SAMD5: variants seen among roughly 807,000 people sequenced by gnomAD.
SAMD5 encodes sterile alpha motif domain-containing protein 5.
A neutral mutation model predicts 11.3 loss-of-function variants in SAMD5; 13 were observed. That is an observed-to-expected ratio of 1.15 (90% CI 0.75 to 1.83). The LOEUF is 1.83. Ranked by LOEUF, SAMD5 falls within the 40% of genes most tolerant of loss-of-function variation. The pLI is 0.00. For synonymous variants in SAMD5, 129 were observed against 111.3 expected, an observed-to-expected ratio of 1.16 and a Z score of -1.00; for missense variants, 255 against 239.1, an observed-to-expected ratio of 1.07 and a Z score of -0.44.
chr6:147,741,914 T>C (rs1313834862), downstream of SAMD5: 1 of 152,212 alleles, frequency 6.6e-6, no homozygotes, highest in Non-Finnish European at 1.5e-5. Flanking sequence ...ATATTTCTTA[T>C]TAGGCACCTC....
At chr6:147,731,789 T>C (rs1217380263) in intron 1 of SAMD5, among the ~76,000 whole-genome samples, 2 of 142,318 alleles carry the variant, frequency 1.4e-5, no homozygotes. Flanking sequence ...ACCAACAGAA[T>C]TTAGAGTGGC....
chr6:147,569,500 G>A lies in SAMD5; in HGVS notation c.*5044G>A. The A allele has an allele frequency of 1.1e-6, 1 of 874,542 alleles. No individual in the cohort carries two copies. Among genetic ancestry groups the A allele is most frequent in the African/African-American group, 1.8e-5 (1 of 55,006 alleles). 54.2% of individuals were successfully genotyped at this position (874,542 alleles called of 1,614,324 possible). ...CTACTTTCTAAATATTATTTAAGAT[G>A]GGAAATGTCTTTTATAGGTATATTC... On this transcript the variant is annotated 3_prime_UTR_variant, in exon 2 of 2. Transcript: ENST00000367474.
the SAMD5 span, among the ~76,000 whole-genome samples, chr6:147,900,895 A>G: frequency 9.3e-3 from 1,421 of 152,318 alleles, 18 homozygotes; most frequent in African/African-American, 0.033. Flanking sequence ...CTATTATAAA[A>G]CAAAAAGATA....
the SAMD5 span, among the ~76,000 whole-genome samples, chr6:147,936,437 G>T: frequency 1.4e-3 from 210 of 151,562 alleles, no homozygotes; most frequent in Non-Finnish European, 1.8e-3. Flanking sequence ...CAGGAGTGGC[G>T]AGGGGCAGTG....
chr6:147,820,746 C>A, the SAMD5 span, among the ~76,000 whole-genome samples: 1 of 152,110 alleles, frequency 6.6e-6, no homozygotes, highest in African/African-American at 2.4e-5. Context: ...GCTCTGTGCC[C>A]GGGAGTTCTA....
Position 147,568,059 on chromosome 6 carries a change from A to G in SAMD5, c.*3603A>G, listed in dbSNP as rs1432834090. 1.0e-6 allele frequency: 1 copy of G among 985,226 alleles called. No individual in the cohort carries two copies. Among genetic ancestry groups the G allele is most frequent in the African/African-American group, 1.7e-5 (1 of 57,224 alleles). The allele number at this position is 985,226 out of a possible 1,614,324, so 61.0% of individuals were successfully genotyped here. The stretch of plus-strand genomic sequence containing the variant: ...CTTTATGGCAGCTTCAGATTGATGA[A>G]TTTGAGGTACAAATGAGTGAGTGAC... On this transcript the variant is annotated 3_prime_UTR_variant, in exon 2 of 2. Coordinates refer to ENST00000367474, the MANE Select transcript of SAMD5 (RefSeq NM_001030060.3).
chr6:147,622,509 C>A (rs7760597), intron 1 of SAMD5, among the ~76,000 whole-genome samples: 65,542 of 151,990 alleles, frequency 0.43, 14,852 homozygotes, highest in East Asian at 0.58. Context: ...CACTCCAAAG[C>A]AGAATTTATA....
chr6:147,806,719 A>G, the SAMD5 span, among the ~76,000 whole-genome samples: 21 of 152,262 alleles, frequency 1.4e-4, no homozygotes, highest in African/African-American at 4.8e-4. Flanking sequence ...GCCAAGCACC[A>G]TGAAATCCTC....
At chr6:147,517,543 G>A (rs1368621680) in intron 1 of SAMD5, among the ~76,000 whole-genome samples, 2 of 151,952 alleles carry the variant, frequency 1.3e-5, no homozygotes, top group Non-Finnish European at 2.9e-5. Flanking sequence ...TCTGTGTACC[G>A]GAGGATGCAA....
At chr6:147,803,144 TGTGTGTGTGTGTGTG>T in the SAMD5 span, among the ~76,000 whole-genome samples, 1 of 112,658 alleles carries the variant, frequency 8.9e-6, no homozygotes, top group African/African-American at 3.2e-5. Flanking sequence ...TGTGTGTGTG[TGTGTGTGTGTGTGTG>T]TGTGTGTGTG....
At chr6:147,722,508 A>T (rs1171729379) in intron 1 of SAMD5, among the ~76,000 whole-genome samples, 1 of 152,192 alleles carries the variant, frequency 6.6e-6, no homozygotes, top group Non-Finnish European at 1.5e-5. Context: ...CTCTCATTTA[A>T]CGTCTCTTAT....
At chr6:147,716,490 C>T (rs1415404644) in intron 1 of SAMD5, among the ~76,000 whole-genome samples, 2 of 152,244 alleles carry the variant, frequency 1.3e-5, no homozygotes, top group African/African-American at 4.8e-5. Flanking sequence ...AGGCGGGACT[C>T]CTGCCTGTTC....
chr6:147,534,954 A>T (rs1438856803), intron 1 of SAMD5, among the ~76,000 whole-genome samples: 1 of 152,200 alleles, frequency 6.6e-6, no homozygotes, highest in Non-Finnish European at 1.5e-5. Flanking sequence ...AGTTTCTCCC[A>T]AAGTTAGTTC....
the SAMD5 span, among the ~76,000 whole-genome samples, chr6:147,759,534 A>G: frequency 6.6e-6 from 1 of 151,706 alleles, no homozygotes; most frequent in African/African-American, 2.4e-5. Context: ...GTGGTAGGGT[A>G]AGATATATAT....
At chr6:147,677,207 G>A (rs1790876422) in intron 1 of SAMD5, among the ~76,000 whole-genome samples, 1 of 152,076 alleles carries the variant, frequency 6.6e-6, no homozygotes, top group African/African-American at 2.4e-5. Context: ...TCTCTGTATT[G>A]GACAAGGCTA....
At chr6:147,835,232 T>TAAAAAAAA in the SAMD5 span, among the ~76,000 whole-genome samples, 77 of 113,438 alleles carry the variant, frequency 6.8e-4, 2 homozygotes, top group African/African-American at 9.1e-4. Context: ...GACTCCATCT[T>TAAAAAAAA]AAAAAAAAAA....
rs1378602239 is a variant in SAMD5, at chr6:147,673,828, G to A, written c.163-63489G>A. On this transcript the variant is annotated intron_variant, in intron 1 of 1. Coordinates refer to the SAMD5 transcript ENST00000566741. The stretch of plus-strand genomic sequence containing the variant: ...CATGAATGAAAGATGGAGGGAAAAG[G>A]AGGGTTTAATCTATGCAGGAATAGG... Among the ~76,000 whole-genome samples the A allele has an allele frequency of 8.5e-5, 13 of 152,288 alleles. No individual in the cohort carries two copies. In the East Asian group the frequency reaches 2.3e-3, roughly 27 times the overall value.
At chr6:147,909,632 C>T in the SAMD5 span, among the ~76,000 whole-genome samples, 1,235 of 60,664 alleles carry the variant, frequency 0.02, 54 homozygotes, top group African/African-American at 0.041. Context: ...TTCTTTCTTT[C>T]TCTTTCTTGT....
chr6:147,576,425 C>T (rs1225744949), intron 1 of SAMD5, among the ~76,000 whole-genome samples: 1 of 152,178 alleles, frequency 6.6e-6, no homozygotes, highest in African/African-American at 2.4e-5. Flanking sequence ...AGGCGTGAGC[C>T]ACTGTGCCTG....
Sources: allele counts gnomAD v4.1 joint callset (sites outside exome capture counted in the v4.1 genomes callset), GRCh38; gene constraint gnomAD v4.1.1; transcripts MANE v1.5; gene names NCBI Gene and HGNC (gene_info 2026-07-23, HGNC 2026-07-21).